Variants in ZFHX3 observed in about 807,000 individuals in gnomAD.
ZFHX3 encodes the protein zinc finger homeobox 3, also known as zinc finger homeobox protein 3.
Under a neutral mutation model 279.1 loss-of-function variants are expected in ZFHX3, and 42 were observed. That is an observed-to-expected ratio of 0.15 (90% confidence interval 0.12 to 0.19). The LOEUF (loss-of-function observed/expected upper bound fraction) is 0.19, where lower values mean the gene tolerates loss of function less well. Ranked by LOEUF, ZFHX3 falls within the 10% of genes least tolerant of loss-of-function variation. The pLI, the probability that ZFHX3 is intolerant of heterozygous loss-of-function variation, is 1.00. For synonymous variants in ZFHX3, 2,293 were observed against 1,957.8 expected (o/e 1.17, Z -4.52); for missense variants, 4,981 against 4,754.0 (o/e 1.05, Z -1.40).
chr16:73,378,417 C>T (rs886606461), intron 3 of ZFHX3, among the ~76,000 whole-genome samples: 1 of 152,130 alleles, frequency 6.6e-6, no homozygotes, highest in East Asian at 1.9e-4. Flanking sequence ...GGTTACTAAA[C>T]TGCTCTTTCT....
chr16:72,937,900 G>C (rs1461022576), intron 3 of ZFHX3, among the ~76,000 whole-genome samples: 1 of 152,220 alleles, frequency 6.6e-6, no homozygotes, highest in Non-Finnish European at 1.5e-5. Flanking sequence ...ACACCTTTCA[G>C]ACACTCCTCA....
chr16:73,331,206 T>TAGC (rs1238532825), intron 3 of ZFHX3, among the ~76,000 whole-genome samples: 1 of 151,976 alleles, frequency 6.6e-6, no homozygotes, highest in Non-Finnish European at 1.5e-5. Flanking sequence ...AACCATCAGA[T>TAGC]CTCGTGAGAA....
In ZFHX3 at chr16:72,795,285, G is replaced by A; in HGVS notation, c.7397C>T (p.Thr2466Ile). 1 of 1,613,918 alleles carries A rather than the reference G, an allele frequency of 6.2e-7. No individual in the cohort carries two copies. The highest frequency in any genetic ancestry group is 8.5e-7 in the Non-Finnish European group (1 of 1,179,966). ...QQEQPEQKTN[T>I]PQQKLPQLVS... ...CAGCTGGGGGAGCTTCTGCTGGGGA[G>A]TGTTGGTCTTCTGCTCGGGCTGCTC... The change falls in exon 9 of 10, where the codon ACT (threonine) becomes ATT (isoleucine). Residue 2466 changes from threonine to isoleucine, a missense_variant. This residue lies in a region of ZFHX3 where 744 missense variants were observed against 701.3 expected (regional missense o/e 1.06). Coordinates refer to ENST00000268489, the MANE Select transcript of ZFHX3 (RefSeq NM_006885.4).
chr16:73,821,001 C>T lies in ZFHX3; in HGVS notation c.-1608+70650G>A, dbSNP rs554340733. On this transcript the variant is annotated intron_variant, in intron 1 of 17. Coordinates refer to the ZFHX3 transcript ENST00000641206. ...AACTTAGGAGACAACTATTATTATC[C>T]CCCTTGACAAATGATGGGACTGAGG... 3.9e-5 allele frequency among the ~76,000 whole-genome samples: 6 copies of T among 152,048 alleles called. No individual in the cohort carries two copies. In the East Asian group the frequency reaches 1.2e-3, roughly 30 times the overall value.
intron 1 of ZFHX3, among the ~76,000 whole-genome samples, chr16:73,016,675 C>T (rs1036698075): frequency 7.2e-5 from 11 of 152,232 alleles, no homozygotes; most frequent in African/African-American, 2.6e-4. Context: ...AAAGCCCTTA[C>T]ACCAGAGTTG....
intron 3 of ZFHX3, among the ~76,000 whole-genome samples, chr16:73,322,754 T>A (rs1438104754): frequency 6.6e-6 from 1 of 152,216 alleles, no homozygotes; most frequent in Non-Finnish European, 1.5e-5. Flanking sequence ...GAACGCCCAC[T>A]AATGTGTATA....
rs2143445808 is a variant in ZFHX3, at chr16:72,797,132, C to G, written c.5550G>C (p.Leu1850Phe). 6.2e-7 allele frequency: 1 copy of G among 1,613,766 alleles called. No homozygotes were observed. The highest frequency in any genetic ancestry group is 1.1e-5 in the South Asian group (1 of 91,072). Residue 1850 changes from leucine to phenylalanine, a missense_variant, in exon 9 of 10, where the codon TTG (leucine) becomes TTC (phenylalanine). By Grantham distance (22) the Leu-to-Phe change is conservative. Coordinates refer to ENST00000268489, the MANE Select transcript of ZFHX3 (RefSeq NM_006885.4). ...AGAGTTGGTTCTGCTGCTGCTGCGG[C>G]AAGATCTGCTGATGGCTCTGCTGTG... is the stretch of plus-strand genomic sequence containing the variant. The part of the protein sequence containing the change: ...QVPQQSHQQI[L>F]PQQQQNQLSI...
chr16:73,756,345 T>C (rs950138334), intron 1 of ZFHX3, among the ~76,000 whole-genome samples: 2 of 152,078 alleles, frequency 1.3e-5, no homozygotes, highest in Admixed American at 6.6e-5. Context: ...CCGGTAAAAA[T>C]TGCAGCTACT....
chr16:73,881,433 T>TCACACA (rs10538063), intron 1 of ZFHX3, among the ~76,000 whole-genome samples: 4 of 101,004 alleles, frequency 4.0e-5, no homozygotes, highest in South Asian at 3.8e-4. Flanking sequence ...ATGATCACAC[T>TCACACA]CACACACACA....
At chr16:72,948,696 C>G (rs1960827961) in intron 3 of ZFHX3, among the ~76,000 whole-genome samples, 1 of 152,144 alleles carries the variant, frequency 6.6e-6, no homozygotes, top group South Asian at 2.1e-4. Context: ...TGCAAGAGGC[C>G]AGCTTCATGC....
At chr16:72,817,151 G>A (rs1348670863) in intron 5 of ZFHX3, among the ~76,000 whole-genome samples, 1 of 152,196 alleles carries the variant, frequency 6.6e-6, no homozygotes, top group Non-Finnish European at 1.5e-5. Context: ...TTGTCAAGTG[G>A]ACAAAGATGG....
At chr16:73,512,243 C>T (rs570439343) in intron 2 of ZFHX3, among the ~76,000 whole-genome samples, 128 of 134,044 alleles carry the variant, frequency 9.5e-4, no homozygotes, top group African/African-American at 3.6e-3. Context: ...TCCTGGCCCA[C>T]ATGGTGAAAC....
chr16:73,012,172 C>G (rs1452833128), intron 1 of ZFHX3, among the ~76,000 whole-genome samples: 1 of 152,224 alleles, frequency 6.6e-6, no homozygotes, highest in African/African-American at 2.4e-5. Flanking sequence ...TCTTCCAACA[C>G]CAAAACACCT....
At chr16:73,390,078 T>TA (rs1409076377) in intron 3 of ZFHX3, among the ~76,000 whole-genome samples, 1 of 151,894 alleles carries the variant, frequency 6.6e-6, no homozygotes, top group African/African-American at 2.4e-5. Flanking sequence ...AAATAAAAAA[T>TA]AAAAAAATAA....
upstream of ZFHX3, among the ~76,000 whole-genome samples, chr16:73,064,177 G>A (rs1337134972): frequency 6.6e-6 from 1 of 152,124 alleles, no homozygotes; most frequent in Non-Finnish European, 1.5e-5. Context: ...GATCCCTGGG[G>A]GGCAGGAGGC....
chr16:73,756,935 G>C (rs953982329), intron 1 of ZFHX3, among the ~76,000 whole-genome samples: 1 of 152,122 alleles, frequency 6.6e-6, no homozygotes, highest in Non-Finnish European at 1.5e-5. Flanking sequence ...ACTTTAGAGA[G>C]CTACATTTTT....
chr16:73,093,576 A>G, exon 8 of ZFHX3: 1 of 513,228 alleles, frequency 1.9e-6, no homozygotes, highest in South Asian at 1.4e-5. Flanking sequence ...CCTTGTCTTC[A>G]TCTTGGGCTA....
At chr16:73,624,508 A>C (rs1458241671) in intron 2 of ZFHX3, among the ~76,000 whole-genome samples, 1 of 152,156 alleles carries the variant, frequency 6.6e-6, no homozygotes, top group Admixed American at 6.5e-5. Context: ...TTGAGAGAGA[A>C]AGCAGCCCTA....
intron 2 of ZFHX3, among the ~76,000 whole-genome samples, chr16:73,595,354 A>G (rs1000414417): frequency 7.9e-5 from 12 of 152,184 alleles, no homozygotes; most frequent in Admixed American, 5.2e-4. Context: ...TGCTAAATCC[A>G]ATGGACTATT....
Sources: allele counts gnomAD v4.1 joint callset (sites outside exome capture counted in the v4.1 genomes callset), GRCh38; gene constraint gnomAD v4.1.1; regional missense constraint gnomAD v4.1.1; transcripts MANE v1.5; gene names NCBI Gene and HGNC (gene_info 2026-07-23, HGNC 2026-07-21).